Variants in ZNF483 observed in about 807,000 individuals in gnomAD.
ZNF483 encodes zinc finger protein HIT-10.
In ZNF483, 9 loss-of-function variants were observed where a neutral mutation model predicts 28.6. The ratio of observed to expected loss-of-function variants is 0.32; its 90% CI spans 0.19 to 0.55. The LOEUF is 0.55. Among genes scored for constraint, ZNF483 ranks in the 20% least tolerant of loss-of-function variants. The probability of loss-of-function intolerance (pLI) is 0.93; values close to 1 mark genes in which losing one functional copy is unlikely to be tolerated. For synonymous variants in ZNF483, 322 were observed against 306.2 expected (o/e 1.05, Z -0.54); for missense variants, 675 against 871.7 (o/e 0.77, Z 2.84).
chr9:111,562,300 G>A (rs1234257957), intron 5 of ZNF483, among the ~76,000 whole-genome samples: 3 of 140,804 alleles, frequency 2.1e-5, no homozygotes, highest in African/African-American at 7.8e-5. Context: ...TTTTGAGATA[G>A]AGTCTCGCTC....
At chr9:111,539,306 G>A (rs1443077567) in intron 5 of ZNF483, 6 of 352,400 alleles carry the variant, frequency 1.7e-5, no homozygotes, top group Admixed American at 1.0e-4. Context: ...TATTTATTAC[G>A]CATTAAATTT....
rs1240360819 is a variant in ZNF483, at chr9:111,553,197, GAACA to G, written c.*10032_*10035del. On this transcript the variant is annotated 3_prime_UTR_variant, in exon 6 of 6. Coordinates refer to ENST00000309235, the MANE Select transcript of ZNF483 (RefSeq NM_133464.5). ...TATGTATCTTTAACACTTTTGAATA[GAACA>G]AACAGCTTTTCCATTTTGCTCTGCT... 6.6e-6 allele frequency among the ~76,000 whole-genome samples: 1 copy of G among 152,058 alleles called. No individual in the cohort carries two copies.
chr9:111,559,227 A>G (rs7037323), downstream of ZNF483, among the ~76,000 whole-genome samples: 48,492 of 151,990 alleles, frequency 0.32, 8,786 homozygotes, highest in Non-Finnish European at 0.42. Flanking sequence ...TAGGGATCAC[A>G]TACTTCACAC....
In ZNF483 at chr9:111,544,173, T is replaced by C. The variant is rs1827747738; in HGVS notation, c.*1003T>C. The C allele has an allele frequency of 2.0e-6, 2 of 985,282 alleles. No individual in the cohort carries two copies. The highest frequency in any genetic ancestry group is 6.2e-5 in the Admixed American group (1 of 16,232). 61.0% of individuals were successfully genotyped at this position (985,282 alleles called of 1,614,324 possible). On this transcript the variant is annotated 3_prime_UTR_variant, in exon 6 of 6. Coordinates refer to ENST00000309235, the MANE Select transcript of ZNF483 (RefSeq NM_133464.5). ...CAGTCCTAGGAAAATAGATGGGGGCTGGGGGTAAGGAAATGTGCTGAAGAC... is the reference window on the plus strand; with the variant it reads ...CAGTCCTAGGAAAATAGATGGGGGCCGGGGGTAAGGAAATGTGCTGAAGAC...
intron 5 of ZNF483, chr9:111,563,272 AT>A (rs759241347): frequency 1.3e-6 from 2 of 1,561,576 alleles, no homozygotes; most frequent in Non-Finnish European, 1.8e-6. Context: ...TTAATTTAAT[AT>A]TCTCAATGAT....
rs10980940 is a variant in ZNF483 at position 111,554,597 on chromosome 9, T to A, written c.*11427T>A. 2.0e-5 allele frequency among the ~76,000 whole-genome samples: 3 copies of A among 152,122 alleles called. No homozygotes were observed. The highest frequency in any genetic ancestry group is 6.5e-5 in the Admixed American group (1 of 15,280). ...CAGTCTGATAACCCAAGAAGGCTAC[T>A]AAGTGACTAACAGACAGGTAGTGTA... is the stretch of plus-strand genomic sequence containing the variant. On this transcript the variant is annotated 3_prime_UTR_variant, in exon 6 of 6. Transcript: ENST00000309235.
downstream of ZNF483, among the ~76,000 whole-genome samples, chr9:111,559,613 T>C (rs780409337): frequency 2.0e-5 from 3 of 150,906 alleles, no homozygotes; most frequent in Non-Finnish European, 4.4e-5. Context: ...CACACACATA[T>C]ACAACATACA....
In ZNF483 at chr9:111,547,239, A is replaced by G. The variant is rs781487405; in HGVS notation, c.*4069A>G. On this transcript the variant is annotated 3_prime_UTR_variant, in exon 6 of 6. Coordinates refer to ENST00000309235, the MANE Select transcript of ZNF483 (RefSeq NM_133464.5). ...ATATTTAACTTCTTGAGGAAGTGCA[A>G]CTACACTATTTTAAATTCCCACCAG... Among the ~76,000 whole-genome samples the G allele has an allele frequency of 1.3e-5, 2 of 152,154 alleles. No homozygotes were observed. The highest frequency in any genetic ancestry group is 4.8e-5 in the African/African-American group (2 of 41,464).
intron 5 of ZNF483, chr9:111,563,434 C>T (rs1462791498): frequency 4.3e-6 from 2 of 468,966 alleles, no homozygotes; most frequent in East Asian, 3.2e-5. Context: ...CAAAGTACAC[C>T]TAAGAAGAAA....
At chr9:111,569,966 G>C in intron 5 of ZNF483, 1 of 1,447,102 alleles carries the variant, frequency 6.9e-7, no homozygotes. Flanking sequence ...TAAGCACAAT[G>C]ACCCAATAGG....
intron 5 of ZNF483, among the ~76,000 whole-genome samples, chr9:111,540,640 A>T (rs1341577244): frequency 6.6e-6 from 1 of 152,202 alleles, no homozygotes; most frequent in African/African-American, 2.4e-5. Flanking sequence ...TGGATGCCTG[A>T]TTAGTGTATC....
At chr9:111,575,990 C>CAA (rs113507485) in intron 5 of ZNF483, among the ~76,000 whole-genome samples, 2 of 147,416 alleles carry the variant, frequency 1.4e-5, no homozygotes, top group African/African-American at 2.5e-5. Context: ...TCCATCTCTA[C>CAA]AAAAAAAAAA....
intron 5 of ZNF483, among the ~76,000 whole-genome samples, chr9:111,560,974 TAGAGAGAGAG>T (rs1172194603): frequency 5.4e-4 from 5 of 9,332 alleles, no homozygotes; most frequent in African/African-American, 1.5e-3. Flanking sequence ...TATATATATA[TAGAGAGAGAG>T]AGAGAGAGAG....
At chr9:111,575,163 A>G (rs962501370) in intron 5 of ZNF483, among the ~76,000 whole-genome samples, 1 of 152,170 alleles carries the variant, frequency 6.6e-6, no homozygotes, top group African/African-American at 2.4e-5. Flanking sequence ...TTAGAAGGGC[A>G]TGGTGGTGGG....
intron 2 of ZNF483, among the ~76,000 whole-genome samples, chr9:111,528,287 C>G (rs1306851249): frequency 3.9e-5 from 6 of 152,158 alleles, no homozygotes; most frequent in Admixed American, 3.9e-4. Flanking sequence ...TGAAAAGCAG[C>G]TAGTGCAAAT....
At position 111,542,939 on chromosome 9, in the gene ZNF483, T is replaced by C; in HGVS notation, c.2004T>C (p.Cys668=). 3.1e-6 allele frequency: 5 copies of C among 1,614,120 alleles called. No homozygotes were observed. Among genetic ancestry groups the C allele is most frequent in the Non-Finnish European group, 4.2e-6 (5 of 1,179,996 alleles). The change falls in exon 6 of 6, where the codon TGT becomes TGC. Residue 668 remains cysteine (C), a synonymous_variant. Coordinates refer to ENST00000309235, the MANE Select transcript of ZNF483 (RefSeq NM_133464.5). This position sits in a 1 kb window ranked among gnomAD's most constrained non-coding sequence, Gnocchi z 6.2. ...TGVKPYKCKE[C]GKSFSQSSSL... is the part of the protein sequence containing the mutation. ...TAAAACCTTATAAATGTAAAGAATG[T>C]GGGAAGTCCTTCAGTCAGAGTTCAT... is the stretch of plus-strand genomic sequence containing the variant.
chr9:111,564,111 C>A, intron 5 of ZNF483: 1 of 310,802 alleles, frequency 3.2e-6, no homozygotes, highest in South Asian at 1.2e-4. Flanking sequence ...AACTAATTTA[C>A]ATTTTCAGAT....
At chr9:111,534,427 G>C (rs1827429063) in intron 5 of ZNF483, 74 bp downstream of exon 5, 1 of 1,262,198 alleles carries the variant, frequency 7.9e-7, no homozygotes, top group Admixed American at 1.7e-5. Flanking sequence ...TCTTTGAAAT[G>C]TTGGGCTGCC....
At chr9:111,561,465 G>T (rs1250204104) in intron 5 of ZNF483, among the ~76,000 whole-genome samples, 1 of 151,888 alleles carries the variant, frequency 6.6e-6, no homozygotes, top group Non-Finnish European at 1.5e-5. Flanking sequence ...CAGATGTGGG[G>T]TATTGTCCAG....
Sources: allele counts gnomAD v4.1 joint callset (sites outside exome capture counted in the v4.1 genomes callset), GRCh38; gene constraint gnomAD v4.1.1; non-coding constraint Gnocchi (gnomAD v3.1); transcripts MANE v1.5; gene names NCBI Gene and HGNC (gene_info 2026-07-23, HGNC 2026-07-21).